ATP8B4: variants seen among roughly 807,000 people sequenced by gnomAD.
The protein encoded by ATP8B4 is ATPase phospholipid transporting 8B4 (putative).
Under a neutral mutation model 145.6 loss-of-function variants are expected in ATP8B4, and 133 were observed. That is an observed-to-expected ratio of 0.91 (90% CI 0.79 to 1.05). ATP8B4 has a LOEUF of 1.05. Ranked by LOEUF, ATP8B4 falls within the 50% of genes least tolerant of loss-of-function variation. ATP8B4 has a pLI of 0.00. For missense variants in ATP8B4, 1,458 were observed against 1,425.2 expected (o/e 1.02, Z -0.37); for synonymous variants, 507 against 492.9 (o/e 1.03, Z -0.38).
Position 49,860,072 on chromosome 15 carries a change from T to C in ATP8B4, c.*122A>G, listed in dbSNP as rs1418426931. ...CACTGGCAGTTGTCTGCCGCAGATTTAAGTTAAGTGAGGCAATCTGCCTGC... is the reference window on the plus strand; with the variant it reads ...CACTGGCAGTTGTCTGCCGCAGATTCAAGTTAAGTGAGGCAATCTGCCTGC... On this transcript the variant is annotated 3_prime_UTR_variant, in exon 28 of 28. Transcript: ENST00000284509. 4.0e-6 allele frequency: 5 copies of C among 1,236,716 alleles called. No homozygotes were observed. The highest frequency in any genetic ancestry group is 5.6e-6 in the Non-Finnish European group (5 of 891,316). 76.6% of individuals were successfully genotyped at this position (1,236,716 alleles called of 1,614,324 possible).
At chr15:49,865,507 G>A (rs2032631330) in intron 26 of ATP8B4, among the ~76,000 whole-genome samples, 1 of 152,214 alleles carries the variant, frequency 6.6e-6, no homozygotes, top group South Asian at 2.1e-4. Context: ...CCTGTGGCTT[G>A]CTACTAGCAT....
intron 2 of ATP8B4, among the ~76,000 whole-genome samples, chr15:50,079,373 T>C (rs1302096506): frequency 6.6e-6 from 1 of 152,166 alleles, no homozygotes; most frequent in East Asian, 1.9e-4. Context: ...GCTAATCCAA[T>C]GACCCACACA....
At chr15:49,894,483 C>A (rs1290438221) in intron 23 of ATP8B4, among the ~76,000 whole-genome samples, 1 of 152,150 alleles carries the variant, frequency 6.6e-6, no homozygotes, top group East Asian at 1.9e-4. Flanking sequence ...TTAAATCAGA[C>A]AAGAACCAGC....
intron 13 of ATP8B4, among the ~76,000 whole-genome samples, chr15:49,966,806 C>G (rs1323561318): frequency 6.6e-6 from 1 of 152,216 alleles, no homozygotes; most frequent in Non-Finnish European, 1.5e-5. Context: ...GTCCCTGACC[C>G]CTGTGTATCC....
At chr15:50,027,882 C>T (rs960399385) in intron 6 of ATP8B4, among the ~76,000 whole-genome samples, 6 of 152,156 alleles carry the variant, frequency 3.9e-5, no homozygotes, top group South Asian at 2.1e-4. Flanking sequence ...AACTCAACAA[C>T]GTTATTTGAG....
chr15:49,933,048 AT>A (rs1226825870), intron 15 of ATP8B4, among the ~76,000 whole-genome samples: 1 of 152,104 alleles, frequency 6.6e-6, no homozygotes, highest in East Asian at 1.9e-4. Context: ...ACATTAGAAC[AT>A]TGAAGCAAAT....
intron 10 of ATP8B4, among the ~76,000 whole-genome samples, chr15:49,983,485 C>T (rs1242251015): frequency 6.6e-6 from 1 of 152,156 alleles, no homozygotes; most frequent in Non-Finnish European, 1.5e-5. Flanking sequence ...ATCTACTTCC[C>T]TCTCCTTTCC....
chr15:49,879,023 T>C (rs1411074890), intron 24 of ATP8B4, among the ~76,000 whole-genome samples: 1 of 152,190 alleles, frequency 6.6e-6, no homozygotes, highest in Non-Finnish European at 1.5e-5. Flanking sequence ...TATTAATTAA[T>C]AGGTGCTATA....
intron 11 of ATP8B4, 66 bp downstream of exon 11, chr15:49,981,140 C>A: frequency 7.5e-7 from 1 of 1,333,588 alleles, no homozygotes; most frequent in Non-Finnish European, 1.1e-6. Context: ...AAAGAATTCC[C>A]AGCAAGATTC....
At chr15:50,038,040 G>A (rs1330248132) in intron 6 of ATP8B4, among the ~76,000 whole-genome samples, 2 of 152,060 alleles carry the variant, frequency 1.3e-5, no homozygotes, top group African/African-American at 4.8e-5. Flanking sequence ...ATTGCCTGAT[G>A]TGACTGACTG....
At chr15:50,175,523 G>A (rs1366874769) in intron 1 of ATP8B4, among the ~76,000 whole-genome samples, 3 of 152,064 alleles carry the variant, frequency 2.0e-5, no homozygotes, top group South Asian at 2.1e-4. Context: ...CAATCCTATC[G>A]ACAAGGGGGC....
intron 13 of ATP8B4, among the ~76,000 whole-genome samples, chr15:49,970,025 T>C (rs950679248): frequency 1.6e-4 from 25 of 152,190 alleles, no homozygotes; most frequent in Admixed American, 1.2e-3. Context: ...AAAAACCACA[T>C]GATTATCTCA....
chr15:49,975,725 T>C (rs1402146709), intron 12 of ATP8B4, among the ~76,000 whole-genome samples: 2 of 152,298 alleles, frequency 1.3e-5, no homozygotes, highest in South Asian at 4.1e-4. Context: ...CACAACCAAA[T>C]TGTCCTACTG....
chr15:49,901,713 C>T (rs1433440525), intron 20 of ATP8B4: 1 of 360,114 alleles, frequency 2.8e-6, no homozygotes, highest in Admixed American at 4.0e-5. Flanking sequence ...GTAATACGAT[C>T]CAGCTTAAAA....
intron 2 of ATP8B4, among the ~76,000 whole-genome samples, chr15:50,103,267 T>C (rs2056479769): frequency 6.6e-6 from 1 of 152,074 alleles, no homozygotes; most frequent in East Asian, 1.9e-4. Context: ...GAGAAAGAAA[T>C]AAAGGGCATC....
intron 14 of ATP8B4, among the ~76,000 whole-genome samples, chr15:49,941,795 G>A (rs1483774334): frequency 2.0e-5 from 3 of 152,046 alleles, no homozygotes; most frequent in South Asian, 2.1e-4. Context: ...AATTTAAAAC[G>A]GGCATCAACT....
chr15:49,955,803 G>T (rs1409084294), intron 14 of ATP8B4, among the ~76,000 whole-genome samples: 1 of 152,158 alleles, frequency 6.6e-6, no homozygotes, highest in East Asian at 1.9e-4. Context: ...ACTTTTATGA[G>T]ATCTCTAAAG....
chr15:50,004,384 G>A (rs551461677), intron 7 of ATP8B4, among the ~76,000 whole-genome samples: 3 of 152,246 alleles, frequency 2.0e-5, no homozygotes, highest in East Asian at 1.9e-4. Context: ...CTTGTCACCC[G>A]TTTGCCAGAA....
At chr15:50,163,552 C>G (rs1020980851) in intron 1 of ATP8B4, among the ~76,000 whole-genome samples, 4 of 152,218 alleles carry the variant, frequency 2.6e-5, no homozygotes, top group Non-Finnish European at 5.9e-5. Context: ...CAGTGGCCAC[C>G]ACCACAGAGA....
Sources: gnomAD v4.1 joint callset for allele counts (sites outside exome capture counted in the v4.1 genomes callset) on GRCh38, gnomAD v4.1.1 for gene constraint, MANE v1.5 for transcripts, NCBI Gene and HGNC (gene_info 2026-07-23, HGNC 2026-07-21) for gene names.